Variants in KIF21A observed in about 807,000 individuals in gnomAD.
KIF21A encodes kinesin-like protein KIF21A.
A neutral mutation model predicts 202.9 loss-of-function variants in KIF21A; 114 were observed. The ratio of observed to expected loss-of-function variants is 0.56; its 90% CI spans 0.48 to 0.66. KIF21A has a LOEUF of 0.66. KIF21A is among the 30% of genes least tolerant of loss of function. The probability of loss-of-function intolerance (pLI) is 0.00; values close to 1 mark genes in which losing one functional copy is unlikely to be tolerated. For synonymous variants in KIF21A, 667 were observed against 670.8 expected, an observed-to-expected ratio of 0.99 and a Z score of 0.09; for missense variants, 1,677 against 1,994.9, an observed-to-expected ratio of 0.84 and a Z score of 3.04.
chr12:39,293,977 T>C lies in KIF21A; in HGVS notation c.*447A>G, dbSNP rs74088336. ...TCCACTACAGACTGATATAAATACC[T>C]GACAAGCAAACCACAATTTGACTAA... On this transcript the variant is annotated 3_prime_UTR_variant, in exon 38 of 38. Coordinates refer to ENST00000361418, the MANE Select transcript of KIF21A (RefSeq NM_001173464.2). 3.3e-3 allele frequency: 568 copies of C among 172,662 alleles called. 3 individuals are homozygous for C. The highest frequency in any genetic ancestry group is 0.013 in the African/African-American group (532 of 41,720). The allele number at this position is 172,662 out of a possible 1,614,324, so 10.7% of individuals were successfully genotyped here. A position where few individuals can be genotyped will look rare whatever the true frequency, so the allele number is the denominator to read the frequency against.
rs981666298 is a variant in KIF21A, at chr12:39,421,711, A to T, written c.44+21216T>A. Among the ~76,000 whole-genome samples the T allele has an allele frequency of 3.2e-4, 43 of 133,612 alleles. 1 individual carries two copies. Among genetic ancestry groups the T allele is most frequent in the East Asian group, 2.4e-3 (10 of 4,168 alleles). The allele number at this position is 133,612 out of a possible 152,430, so 87.7% of individuals were successfully genotyped here. A position where few individuals can be genotyped will look rare whatever the true frequency, so the allele number is the denominator to read the frequency against. On this transcript the variant is annotated intron_variant, in intron 1 of 37. Coordinates refer to ENST00000361418, the MANE Select transcript of KIF21A (RefSeq NM_001173464.2). ...CCATCTCAAAATAAATAAATAAATA[A>T]ATATATATAATTTATATATATATAT...
At chr12:39,376,454 A>G (rs1950277060) in intron 1 of KIF21A, among the ~76,000 whole-genome samples, 1 of 152,154 alleles carries the variant, frequency 6.6e-6, no homozygotes, top group African/African-American at 2.4e-5. Flanking sequence ...TCAGAAAGGA[A>G]TAGAACTAAG....
intron 26 of KIF21A, among the ~76,000 whole-genome samples, chr12:39,325,498 A>ATTTTTTTTTTT (rs397714587): frequency 3.3e-5 from 4 of 121,468 alleles, no homozygotes; most frequent in African/African-American, 1.4e-4. Flanking sequence ...CGCCCAGCTA[A>ATTTTTTTTTTT]TTTTTTTTTT....
At chr12:39,341,921 C>G (rs1463601238) in intron 13 of KIF21A, 113 bp downstream of exon 13, 1 of 763,988 alleles carries the variant, frequency 1.3e-6, no homozygotes, top group African/African-American at 1.7e-5. Flanking sequence ...ATAGATTAAA[C>G]AGAATGCATC....
chr12:39,310,437 T>G (rs1193492989), intron 32 of KIF21A, among the ~76,000 whole-genome samples: 4 of 152,080 alleles, frequency 2.6e-5, no homozygotes, highest in South Asian at 2.1e-4. Context: ...AATAAATATT[T>G]GCTGATTAAA....
intron 1 of KIF21A, among the ~76,000 whole-genome samples, chr12:39,395,409 G>C (rs1951667484): frequency 6.6e-6 from 1 of 151,936 alleles, no homozygotes; most frequent in African/African-American, 2.4e-5. Flanking sequence ...CTTCCGTTAG[G>C]CCAATCCTCA....
chr12:39,341,362 A>C (rs1267648324), intron 14 of KIF21A, 143 bp downstream of exon 14: 15 of 770,500 alleles, frequency 1.9e-5, no homozygotes, highest in Non-Finnish European at 3.2e-5. Flanking sequence ...TGTTTAGCAC[A>C]TAAGCCTTGG....
At chr12:39,332,495 AC>A in intron 20 of KIF21A, 87 bp from the exon 21 acceptor site, 1 of 1,514,908 alleles carries the variant, frequency 6.6e-7, no homozygotes, top group Non-Finnish European at 9.1e-7. Context: ...CCCAAAAAAA[AC>A]TTGGTAAGTG....
intron 9 of KIF21A, among the ~76,000 whole-genome samples, 167 bp downstream of exon 9, chr12:39,357,081 A>G (rs1313253099): frequency 6.6e-6 from 1 of 152,240 alleles, no homozygotes; most frequent in Non-Finnish European, 1.5e-5. Context: ...TTTTGTTTAT[A>G]TAAGAATTTA....
At chr12:39,353,976 G>T (rs1948591320) in intron 10 of KIF21A, among the ~76,000 whole-genome samples, 1 of 152,042 alleles carries the variant, frequency 6.6e-6, no homozygotes, top group African/African-American at 2.4e-5. Context: ...TCTTTGGGAA[G>T]GAGCACACTG....
intron 31 of KIF21A, among the ~76,000 whole-genome samples, chr12:39,313,690 G>GA (rs900272488): frequency 1.6e-4 from 25 of 151,584 alleles, no homozygotes; most frequent in African/African-American, 5.1e-4. Context: ...TATATTGCCT[G>GA]AAAAAAATCA....
rs998747931 is a variant in KIF21A, at chr12:39,442,967, A to C, written c.4T>G (p.Leu2Val). 1.3e-6 allele frequency: 2 copies of C among 1,521,236 alleles called. No individual in the cohort carries two copies. The highest frequency in any genetic ancestry group is 1.8e-6 in the Non-Finnish European group (2 of 1,141,748). The allele number at this position is 1,521,236 out of a possible 1,614,324, so 94.2% of individuals were successfully genotyped here. M[L>V]GAPDESSVRV... ...ACGGAGCTCTCGTCCGGGGCGCCCAACATGCTGGCGGCGGGCAGCGATCGA... is the reference window on the plus strand; with the variant it reads ...ACGGAGCTCTCGTCCGGGGCGCCCACCATGCTGGCGGCGGGCAGCGATCGA... Residue 2 changes from leucine to valine, a missense_variant, in exon 1 of 38, where the codon TTG becomes GTG. By Grantham distance (32) the Leu-to-Val change is conservative. This residue lies in a region of KIF21A where 966 missense variants were observed against 1,180.9 expected (regional missense o/e 0.82). Coordinates refer to ENST00000361418, the MANE Select transcript of KIF21A (RefSeq NM_001173464.2). The surrounding 1 kb of genome is among the most constrained non-coding windows in gnomAD (Gnocchi z 5.0).
intron 34 of KIF21A, among the ~76,000 whole-genome samples, chr12:39,305,248 C>G (rs1338266645): frequency 6.6e-6 from 1 of 151,790 alleles, no homozygotes; most frequent in Non-Finnish European, 1.5e-5. Flanking sequence ...TGCCTGTACT[C>G]CCAGCTACTC....
At chr12:39,330,980 A>C in intron 22 of KIF21A, 69 bp from the exon 23 acceptor site, 1 of 1,499,090 alleles carries the variant, frequency 6.7e-7, no homozygotes, top group Non-Finnish European at 9.3e-7. Context: ...TCTGTATCAA[A>C]CAGCAAATGA....
In KIF21A at chr12:39,442,263, G is replaced by C. The variant is rs1939747944; in HGVS notation, c.44+664C>G. On this transcript the variant is annotated intron_variant, in intron 1 of 37. Coordinates refer to ENST00000361418, the MANE Select transcript of KIF21A (RefSeq NM_001173464.2). This position sits in a 1 kb window ranked among gnomAD's most constrained non-coding sequence, Gnocchi z 5.0. The stretch of plus-strand genomic sequence containing the variant: ...GCTAAAGAGTTTTCCTCCTTCTGTA[G>C]ACCTCTCCCCAGTGGATTTTACCTT... 6.6e-6 allele frequency among the ~76,000 whole-genome samples: 1 copy of C among 152,016 alleles called. No homozygotes were observed. Among genetic ancestry groups the C allele is most frequent in the Non-Finnish European group, 1.5e-5 (1 of 68,026 alleles).
chr12:39,345,458 A>G (rs1224591085), intron 12 of KIF21A, among the ~76,000 whole-genome samples: 1 of 151,906 alleles, frequency 6.6e-6, no homozygotes, highest in Admixed American at 6.6e-5. Flanking sequence ...TATGGCATGT[A>G]AGTATAAAAA....
At chr12:39,427,190 C>T (rs959092343) in intron 1 of KIF21A, among the ~76,000 whole-genome samples, 3 of 152,158 alleles carry the variant, frequency 2.0e-5, no homozygotes, top group African/African-American at 7.2e-5. Flanking sequence ...AATTAAAACA[C>T]ATGGAATGGA....
chr12:39,432,063 C>T lies in KIF21A; in HGVS notation c.44+10864G>A, dbSNP rs111368142. Among the ~76,000 whole-genome samples the T allele has an allele frequency of 2.7e-3, 407 of 152,258 alleles. 3 individuals are homozygous for T. Among genetic ancestry groups the T allele is most frequent in the African/African-American group, 9.0e-3 (373 of 41,544 alleles). ...ACAGGTGAAGACTAACAGACCAACACGCTACTCAAAGAGAAGTGTTTTGTG... is the reference window on the plus strand; with the variant it reads ...ACAGGTGAAGACTAACAGACCAACATGCTACTCAAAGAGAAGTGTTTTGTG... On this transcript the variant is annotated intron_variant, in intron 1 of 37. Transcript: ENST00000361418.
chr12:39,425,162 T>C (rs1954644691), intron 1 of KIF21A, among the ~76,000 whole-genome samples: 1 of 152,120 alleles, frequency 6.6e-6, no homozygotes, highest in South Asian at 2.1e-4. Context: ...CTCAAATGAC[T>C]CCTCCCAACC....
Sources: allele counts gnomAD v4.1 joint callset (sites outside exome capture counted in the v4.1 genomes callset), GRCh38; gene constraint gnomAD v4.1.1; regional missense constraint gnomAD v4.1.1; non-coding constraint Gnocchi (gnomAD v3.1); transcripts MANE v1.5; gene names NCBI Gene and HGNC (gene_info 2026-07-23, HGNC 2026-07-21).